CHL1: variants seen among roughly 807,000 people sequenced by gnomAD.
CHL1 encodes cell adhesion molecule L1 like, also known as neural cell adhesion molecule L1-like protein.
A neutral mutation model predicts 141.9 loss-of-function variants in CHL1; 96 were observed. The ratio of observed to expected loss-of-function variants is 0.68; its 90% CI spans 0.57 to 0.80. The LOEUF (loss-of-function observed/expected upper bound fraction) is 0.80. CHL1 is among the 30% of genes least tolerant of loss of function. The pLI, the probability that CHL1 is intolerant of heterozygous loss-of-function variation, is 0.00. For synonymous variants in CHL1, 613 were observed against 502.2 expected (o/e 1.22, Z -2.95); for missense variants, 1,820 against 1,457.2 (o/e 1.25, Z -4.05).
At chr3:398,711 G>A (rs533704076) in intron 25 of CHL1, among the ~76,000 whole-genome samples, 1 of 152,216 alleles carries the variant, frequency 6.6e-6, no homozygotes, top group African/African-American at 2.4e-5. Context: ...TCTAACCAAG[G>A]CAGCTTGCGC....
At chr3:263,345 A>AT (rs398038476) in intron 2 of CHL1, among the ~76,000 whole-genome samples, 1 of 152,110 alleles carries the variant, frequency 6.6e-6, no homozygotes, top group Non-Finnish European at 1.5e-5. Flanking sequence ...GAAAAAAAAA[A>AT]GCCAAAGTGC....
intron 3 of CHL1, among the ~76,000 whole-genome samples, chr3:325,446 A>G (rs111920880): frequency 7.4e-4 from 106 of 142,358 alleles, no homozygotes; most frequent in African/African-American, 2.7e-3. Context: ...GAAATAGTTT[A>G]CCTGGAAAGA....
chr3:321,115 T>G (rs1468353465), intron 3 of CHL1, among the ~76,000 whole-genome samples: 1 of 152,098 alleles, frequency 6.6e-6, no homozygotes, highest in East Asian at 1.9e-4. Flanking sequence ...TAATATAATG[T>G]ATTTAAAAAC....
At chr3:340,529 G>C (rs868422793) in intron 5 of CHL1, among the ~76,000 whole-genome samples, 2 of 152,144 alleles carry the variant, frequency 1.3e-5, no homozygotes, top group Non-Finnish European at 2.9e-5. Context: ...ATATGCACAA[G>C]TATGTTATTG....
intron 7 of CHL1, 115 bp downstream of exon 7, chr3:342,197 T>G: frequency 1.2e-6 from 1 of 860,426 alleles, no homozygotes; most frequent in Non-Finnish European, 1.7e-6. Flanking sequence ...ATTGTGCAGT[T>G]CAACTCTGGA....
chr3:235,343 AG>A (rs371131600), intron 1 of CHL1, among the ~76,000 whole-genome samples: 2 of 152,172 alleles, frequency 1.3e-5, no homozygotes, highest in African/African-American at 4.8e-5. Context: ...TTCATGCCTT[AG>A]TTTGGTCATT....
Position 236,974 on chromosome 3 carries a change from C to T in CHL1, c.-174-7639C>T, listed in dbSNP as rs181780654. ...TGAGGCCCCAGTTAGTTAGGAAACACGTCATTAATAGGGAGTGTTACTGAC... is the reference window on the plus strand; with the variant it reads ...TGAGGCCCCAGTTAGTTAGGAAACATGTCATTAATAGGGAGTGTTACTGAC... On this transcript the variant is annotated intron_variant, in intron 1 of 27. Coordinates refer to ENST00000256509, the MANE Select transcript of CHL1 (RefSeq NM_006614.4). Among the ~76,000 whole-genome samples, 490 of 152,182 alleles carry T rather than the reference C, an allele frequency of 3.2e-3. 3 individuals carry two copies. Among genetic ancestry groups the T allele is most frequent in the South Asian group, 0.024 (115 of 4,818 alleles).
chr3:342,363 A>T (rs1471148090), intron 7 of CHL1, among the ~76,000 whole-genome samples: 1 of 152,214 alleles, frequency 6.6e-6, no homozygotes, highest in Non-Finnish European at 1.5e-5. Context: ...ATACAATGAA[A>T]TTCCAGGGTT....
chr3:206,897 T>C (rs1234325861), intron 1 of CHL1, among the ~76,000 whole-genome samples: 1 of 152,266 alleles, frequency 6.6e-6, no homozygotes, highest in Non-Finnish European at 1.5e-5. Flanking sequence ...ACCAATTGCA[T>C]TTCGCGGTTG....
chr3:268,727 C>A (rs1483722136), intron 2 of CHL1, among the ~76,000 whole-genome samples: 1 of 152,134 alleles, frequency 6.6e-6, no homozygotes, highest in Non-Finnish European at 1.5e-5. Context: ...AGCTATACAT[C>A]TTATAGTCTT....
chr3:322,473 T>C (rs1052807169), intron 3 of CHL1, among the ~76,000 whole-genome samples: 11 of 149,772 alleles, frequency 7.3e-5, no homozygotes, highest in Non-Finnish European at 1.3e-4. Context: ...TAAGACGCCA[T>C]TTTTTCATTT....
At chr3:305,761 C>T (rs1286810869) in intron 2 of CHL1, among the ~76,000 whole-genome samples, 1 of 151,446 alleles carries the variant, frequency 6.6e-6, no homozygotes, top group African/African-American at 2.4e-5. Context: ...TGTTTTCTGG[C>T]AGGGATGGGG....
chr3:320,942 T>C (rs1349411119), intron 3 of CHL1, among the ~76,000 whole-genome samples: 1 of 152,054 alleles, frequency 6.6e-6, no homozygotes, highest in Non-Finnish European at 1.5e-5. Flanking sequence ...ATTTTAGCAT[T>C]GCAGGTGATA....
intron 2 of CHL1, among the ~76,000 whole-genome samples, chr3:317,661 A>AG (rs1428240906): frequency 9.2e-5 from 14 of 151,510 alleles, no homozygotes; most frequent in Admixed American, 5.3e-4. Flanking sequence ...TCAGAAAAAA[A>AG]AAAAAACAGG....
At position 207,755 on chromosome 3, in the gene CHL1, G is replaced by A. The variant is rs571614492; in HGVS notation, c.-175+10692G>A. On this transcript the variant is annotated intron_variant, in intron 1 of 27. Transcript: ENST00000256509. ...ATTTGACCTTGACCCCATTTTCTTC[G>A]TGACCTCTAGCAATTCTCAGAGGAG... Among the ~76,000 whole-genome samples the A allele has an allele frequency of 5.3e-5, 8 of 152,228 alleles. No homozygotes were observed. The East Asian group carries it at 5.8e-4, about 11-fold the overall frequency.
chr3:402,202 C>G (rs370663084), intron 27 of CHL1, among the ~76,000 whole-genome samples: 1 of 152,070 alleles, frequency 6.6e-6, no homozygotes, highest in East Asian at 1.9e-4. Flanking sequence ...CTGTTTCTGC[C>G]CAGGTAGGAT....
chr3:309,507 TCTTCCTTCCTTCTTTCCTTC>T (rs1365464502), intron 2 of CHL1, among the ~76,000 whole-genome samples: 2 of 150,966 alleles, frequency 1.3e-5, no homozygotes, highest in Non-Finnish European at 3.0e-5. Flanking sequence ...TTCTCCTTCC[TCTTCCTTCCTTCTTTCCTTC>T]CTTCCTTCCT....
intron 11 of CHL1, among the ~76,000 whole-genome samples, chr3:355,542 C>T (rs559753078): frequency 1.3e-5 from 2 of 152,180 alleles, no homozygotes; most frequent in Admixed American, 6.5e-5. Flanking sequence ...CATATTTTTA[C>T]GTGTCAATTG....
chr3:399,191 A>T, intron 26 of CHL1, 43 bp downstream of exon 26: 1 of 1,528,964 alleles, frequency 6.5e-7, no homozygotes, highest in Non-Finnish European at 9.0e-7. Context: ...ATTAAAAAGC[A>T]TTTTCTGGGA....
Sources: gnomAD v4.1 joint callset for allele counts (sites outside exome capture counted in the v4.1 genomes callset) on GRCh38, gnomAD v4.1.1 for gene constraint, MANE v1.5 for transcripts, NCBI Gene and HGNC (gene_info 2026-07-23, HGNC 2026-07-21) for gene names.